Variants in UTP25 observed in about 807,000 individuals in gnomAD.
The protein encoded by UTP25 is U3 small nucleolar RNA-associated protein 25 homolog.
UTP25 carries 50 observed loss-of-function variants against 78.9 expected under a neutral mutation model. The observed-to-expected ratio is 0.63, with a 90% CI of 0.50 to 0.80. The LOEUF (loss-of-function observed/expected upper bound fraction) is 0.80, where lower values mean the gene tolerates loss of function less well. Among genes scored for constraint, UTP25 ranks in the 30% least tolerant of loss-of-function variants. The probability of loss-of-function intolerance (pLI) is 0.00; values close to 1 mark genes in which losing one functional copy is unlikely to be tolerated. For missense variants in UTP25, 846 were observed against 911.3 expected, an observed-to-expected ratio of 0.93 and a Z score of 0.92; for synonymous variants, 329 against 336.5, an observed-to-expected ratio of 0.98 and a Z score of 0.24.
chr1:209,835,659 T>A (rs974948524), intron 5 of UTP25, among the ~76,000 whole-genome samples: 9 of 152,328 alleles, frequency 5.9e-5, no homozygotes, highest in African/African-American at 1.9e-4. Flanking sequence ...TTCTTTGTTC[T>A]TACCACTGAT....
At chr1:209,849,041 T>C (rs1292814223) in intron 11 of UTP25, among the ~76,000 whole-genome samples, 1 of 152,132 alleles carries the variant, frequency 6.6e-6, no homozygotes, top group Non-Finnish European at 1.5e-5. Context: ...CACTGAGGCC[T>C]TGACACGTGT....
chr1:209,843,154 GTGAC>G, intron 10 of UTP25: 1 of 441,714 alleles, frequency 2.3e-6, no homozygotes, highest in Non-Finnish European at 4.1e-6. Context: ...GTTGGACTGA[GTGAC>G]TGAGTGACTG....
chr1:209,835,387 G>C (rs2078127595), intron 5 of UTP25, among the ~76,000 whole-genome samples: 1 of 152,180 alleles, frequency 6.6e-6, no homozygotes, highest in African/African-American at 2.4e-5. Flanking sequence ...ATAATGATGG[G>C]TAAGAGTGGA....
At chr1:209,830,058 A>G (rs2102566780) in intron 1 of UTP25, 50 bp from the exon 2 acceptor site, 1 of 1,537,472 alleles carries the variant, frequency 6.5e-7, no homozygotes, top group Non-Finnish European at 8.9e-7. Flanking sequence ...ACCTTTTCCT[A>G]ATTTCTACAT....
intron 6 of UTP25, chr1:209,838,701 TCC>T (rs2078148521): frequency 6.6e-6 from 4 of 610,054 alleles, no homozygotes; most frequent in Non-Finnish European, 1.2e-5. Context: ...GGGTCTGAAG[TCC>T]GCAGGTCATG....
intron 3 of UTP25, among the ~76,000 whole-genome samples, chr1:209,832,078 C>T (rs1227258715): frequency 1.3e-5 from 2 of 151,628 alleles, no homozygotes; most frequent in African/African-American, 4.8e-5. Flanking sequence ...CATTGACTTA[C>T]ACTTAGGAGT....
intron 11 of UTP25, among the ~76,000 whole-genome samples, 188 bp from the exon 12 acceptor site, chr1:209,851,016 G>T (rs536690174): frequency 6.6e-6 from 1 of 152,144 alleles, no homozygotes; most frequent in East Asian, 1.9e-4. Context: ...CGAATATGTT[G>T]TCATAAAAAG....
chr1:209,831,121 A>G lies in UTP25; in HGVS notation c.388+78A>G. ...ATCTCATGAGCATGGTACCTTATAT[A>G]CTGTGTGAGTTGGATGAAAGGACAT... On this transcript the variant is annotated intron_variant, in intron 3 of 11. Transcript: ENST00000491415. 7 of 1,468,864 alleles carry G rather than the reference A, an allele frequency of 4.8e-6. No individual in the cohort carries two copies. The South Asian group carries it at 8.9e-5, about 19-fold the overall frequency. 91.0% of individuals were successfully genotyped at this position (1,468,864 alleles called of 1,614,324 possible). A position where few individuals can be genotyped will look rare whatever the true frequency, so the allele number is the denominator to read the frequency against.
Position 209,840,856 on chromosome 1 carries a change from T to A in UTP25, c.1286T>A (p.Val429Glu). ...GNIDDHFRIG[V>E]AILQRSIRLY... ...TGTACTTGGCTGTTTTGTGTAGGAG[T>A]GGCAATACTTCAGAGAAGCATCCGA... is the stretch of plus-strand genomic sequence containing the variant. The change falls in exon 8 of 12, where the codon GTG (valine) becomes GAG (glutamate). Residue 429 changes from valine to glutamate, a missense_variant. Val to Glu is a moderately radical substitution (Grantham distance 121). Transcript: ENST00000491415. The A allele has an allele frequency of 3.7e-6, 6 of 1,612,072 alleles. No individual in the cohort carries two copies. The highest frequency in any genetic ancestry group is 5.1e-6 in the Non-Finnish European group (6 of 1,179,772).
At chr1:209,840,115 CAA>C (rs1359456794) in intron 7 of UTP25, among the ~76,000 whole-genome samples, 3 of 152,172 alleles carry the variant, frequency 2.0e-5, no homozygotes, top group Non-Finnish European at 2.9e-5. Context: ...CATAAGGAGA[CAA>C]GAGCTCGTGT....
chr1:209,854,178 A>G lies in UTP25; in HGVS notation c.*2731A>G, dbSNP rs2078257924. Reference sequence around the variant, plus strand: ...ATTTGCAGCAAGCAAGTGCCTATATAGGGTCTGAAATATAGACAAAGGATG... The same window carrying G: ...ATTTGCAGCAAGCAAGTGCCTATATGGGGTCTGAAATATAGACAAAGGATG... On this transcript the variant is annotated 3_prime_UTR_variant, in exon 12 of 12. Transcript: ENST00000491415. 1 of 152,232 alleles carries G rather than the reference A, an allele frequency of 6.6e-6. No individual in the cohort carries two copies. Among genetic ancestry groups the G allele is most frequent in the South Asian group, 2.1e-4 (1 of 4,836 alleles). The allele number at this position is 152,232 out of a possible 1,614,324, so 9.4% of individuals were successfully genotyped here.
Position 209,838,991 on chromosome 1 carries a change from A to T in UTP25, c.1145A>T (p.Lys382Met). The T allele has an allele frequency of 6.2e-7, 1 of 1,614,168 alleles. No individual in the cohort carries two copies. Among genetic ancestry groups the T allele is most frequent in the Non-Finnish European group, 8.5e-7 (1 of 1,179,998 alleles). ...AGCCTCCTCGAGGGTGACAGCAAGAAGAAAATCATTGTGAGCAACAAAAAG... is the reference window on the plus strand; with the variant it reads ...AGCCTCCTCGAGGGTGACAGCAAGATGAAAATCATTGTGAGCAACAAAAAG... ...FISLLEGDSKKKIIVSNKKRF... is the reference protein window; with the variant it reads ...FISLLEGDSKMKIIVSNKKRF... Residue 382 changes from lysine to methionine, a missense_variant, in exon 7 of 12, where the codon AAG becomes ATG. Physicochemically the swap from Lys to Met is moderately conservative, Grantham distance 95. Transcript: ENST00000491415.
At chr1:209,843,392 A>G in intron 10 of UTP25, 59 bp from the exon 11 acceptor site, 3 of 1,591,582 alleles carry the variant, frequency 1.9e-6, no homozygotes, top group Non-Finnish European at 2.6e-6. Context: ...TCACACAGTT[A>G]AGAGACACCA....
intron 11 of UTP25, among the ~76,000 whole-genome samples, chr1:209,850,805 G>C (rs1265322275): frequency 6.6e-6 from 1 of 152,078 alleles, no homozygotes; most frequent in East Asian, 1.9e-4. Flanking sequence ...TTATGTACTG[G>C]GTCTGACCTT....
In UTP25 at chr1:209,831,035, G is replaced by A. The variant is rs764479218; in HGVS notation, c.380G>A (p.Ser127Asn). ...EEEMAAESTE[S>N]PENVALSADP... is the part of the protein sequence containing the mutation. ...GAGATGGCTGCAGAGTCTACTGAAAGTCCAGAGAGTAAGTGTCTTTACTAT... is the reference window on the plus strand; with the variant it reads ...GAGATGGCTGCAGAGTCTACTGAAAATCCAGAGAGTAAGTGTCTTTACTAT... Residue 127 changes from serine to asparagine, a missense_variant, in exon 3 of 12, where the codon AGT becomes AAT. Physicochemically the swap from Ser to Asn is conservative, Grantham distance 46 (BLOSUM62 1). Transcript: ENST00000491415. 1.2e-6 allele frequency: 2 copies of A among 1,614,118 alleles called. No homozygotes were observed. The highest frequency in any genetic ancestry group is 1.7e-6 in the Non-Finnish European group (2 of 1,179,980).
At chr1:209,831,186 T>C (rs1381195666) in intron 3 of UTP25, 143 bp downstream of exon 3, 2 of 804,248 alleles carry the variant, frequency 2.5e-6, no homozygotes, top group Non-Finnish European at 3.9e-6. Context: ...GGTTTGATTG[T>C]ATCTTTGAGA....
chr1:209,838,001 G>A (rs1234772742), intron 6 of UTP25, among the ~76,000 whole-genome samples: 2 of 152,148 alleles, frequency 1.3e-5, no homozygotes, highest in Non-Finnish European at 2.9e-5. Flanking sequence ...AATAGCGGGG[G>A]AAACCAAAGC....
intron 2 of UTP25, 62 bp from the exon 3 acceptor site, chr1:209,830,741 G>A: frequency 6.4e-7 from 1 of 1,559,946 alleles, no homozygotes; most frequent in Non-Finnish European, 8.7e-7. Context: ...CTTGATGATA[G>A]TTTTAGGGTA....
chr1:209,837,531 A>G (rs921542969), intron 6 of UTP25, among the ~76,000 whole-genome samples: 1 of 152,160 alleles, frequency 6.6e-6, no homozygotes, highest in Non-Finnish European at 1.5e-5. Context: ...GCTGGATGGG[A>G]CCTTAATGAG....
Sources: gnomAD v4.1 joint callset for allele counts (sites outside exome capture counted in the v4.1 genomes callset) on GRCh38, gnomAD v4.1.1 for gene constraint, MANE v1.5 for transcripts, NCBI Gene and HGNC (gene_info 2026-07-23, HGNC 2026-07-21) for gene names.